The following SH3GL3 variants were observed in gnomAD, a reference collection of about 807,000 sequenced individuals.
SH3GL3 encodes SH3 domain containing GRB2 like 3, endophilin A3, also known as endophilin-A3.
Under a neutral mutation model 47.7 loss-of-function variants are expected in SH3GL3, and 33 were observed. The observed-to-expected ratio is 0.69, with a 90% CI of 0.52 to 0.92. SH3GL3 has a LOEUF of 0.92. SH3GL3 is among the 40% of genes least tolerant of loss of function. The pLI is 0.00. For synonymous variants in SH3GL3, 155 were observed against 148.8 expected (o/e 1.04, Z -0.30); for missense variants, 363 against 417.8 (o/e 0.87, Z 1.14).
the SH3GL3 span, among the ~76,000 whole-genome samples, chr15:83,630,334 G>A: frequency 0.011 from 1,735 of 152,050 alleles, 35 homozygotes; most frequent in African/African-American, 0.039. Context: ...TTGATCAATT[G>A]GACTTCATTA....
intron 8 of SH3GL3, among the ~76,000 whole-genome samples, chr15:83,592,886 A>G (rs2060144382): frequency 6.6e-6 from 1 of 152,196 alleles, no homozygotes; most frequent in South Asian, 2.1e-4. Flanking sequence ...GTTTGTTTCC[A>G]AATCCTGCAT....
intron 1 of SH3GL3, among the ~76,000 whole-genome samples, chr15:83,511,720 T>C (rs552074241): frequency 6.6e-6 from 1 of 152,294 alleles, no homozygotes; most frequent in East Asian, 1.9e-4. Context: ...ACATTTCCAA[T>C]TTTCTCTCTT....
intron 6 of SH3GL3, among the ~76,000 whole-genome samples, chr15:83,578,147 A>G (rs1358294452): frequency 6.6e-6 from 1 of 152,202 alleles, no homozygotes; most frequent in Non-Finnish European, 1.5e-5. Context: ...GTCAAATGAA[A>G]TGGAATTAAG....
intron 1 of SH3GL3, among the ~76,000 whole-genome samples, chr15:83,487,834 A>AT (rs917945993): frequency 3.4e-5 from 4 of 117,020 alleles, no homozygotes; most frequent in East Asian, 2.5e-4. Context: ...CTCACTATCC[A>AT]TTTTTTTTTC....
intron 1 of SH3GL3, among the ~76,000 whole-genome samples, chr15:83,529,534 C>T (rs1050605410): frequency 1.3e-5 from 2 of 152,008 alleles, no homozygotes; most frequent in Non-Finnish European, 2.9e-5. Context: ...TCCGCAGGCC[C>T]CTGGGTGATG....
chr15:83,475,891 TATAA>T (rs1444030653), intron 1 of SH3GL3, among the ~76,000 whole-genome samples: 1 of 152,252 alleles, frequency 6.6e-6, no homozygotes, highest in Non-Finnish European at 1.5e-5. Context: ...CTTTGTCTTT[TATAA>T]ATAAATAATT....
At chr15:83,487,168 G>T (rs1219403184) in intron 1 of SH3GL3, among the ~76,000 whole-genome samples, 2 of 147,912 alleles carry the variant, frequency 1.4e-5, no homozygotes, top group African/African-American at 2.5e-5. Context: ...ATTCTTAAAT[G>T]TTTTAATCTT....
chr15:83,531,567 A>G (rs1567308264), intron 1 of SH3GL3, among the ~76,000 whole-genome samples: 2 of 152,170 alleles, frequency 1.3e-5, no homozygotes, highest in African/African-American at 2.4e-5. Flanking sequence ...AGGATGGTAC[A>G]CTGTGTTGAG....
rs149148739 is a variant in SH3GL3 at position 83,568,466 on chromosome 15, A to G, written c.188-63A>G. The stretch of plus-strand genomic sequence containing the variant: ...CAGTTTTGGCAGCTGCGTTTATTAA[A>G]TTCTATGTACCTGTCACTCCACCTT... On this transcript the variant is annotated intron_variant, in intron 3 of 8. Coordinates refer to ENST00000427482, the MANE Select transcript of SH3GL3 (RefSeq NM_003027.5). 102 of 1,428,758 alleles carry G rather than the reference A, an allele frequency of 7.1e-5. No homozygotes were observed. The East Asian group carries it at 2.2e-3, about 30-fold the overall frequency. 88.5% of individuals were successfully genotyped at this position (1,428,758 alleles called of 1,614,324 possible).
intron 1 of SH3GL3, among the ~76,000 whole-genome samples, chr15:83,509,225 C>G (rs1567285391): frequency 6.6e-6 from 1 of 152,186 alleles, no homozygotes. Flanking sequence ...GCTGACCTGC[C>G]GTGGAGGGGA....
At chr15:83,548,374 ATATT>A (rs2044507112) in intron 1 of SH3GL3, among the ~76,000 whole-genome samples, 1 of 149,412 alleles carries the variant, frequency 6.7e-6, no homozygotes, top group South Asian at 2.1e-4. Context: ...CCATTTATAT[ATATT>A]TATATATATA....
At chr15:83,604,094 C>T (rs552654706) in intron 8 of SH3GL3, among the ~76,000 whole-genome samples, 4 of 151,850 alleles carry the variant, frequency 2.6e-5, no homozygotes, top group South Asian at 2.1e-4. Flanking sequence ...TGTGGTGAGC[C>T]GAGATCGCAC....
At position 83,542,019 on chromosome 15, in the gene SH3GL3, G is replaced by A. The variant is rs115362585; in HGVS notation, c.46-17234G>A. Among the ~76,000 whole-genome samples the A allele has an allele frequency of 5.8e-3, 876 of 152,192 alleles. 13 individuals carry two copies. The highest frequency in any genetic ancestry group is 0.02 in the African/African-American group (838 of 41,528). On this transcript the variant is annotated intron_variant, in intron 1 of 8. Coordinates refer to ENST00000427482, the MANE Select transcript of SH3GL3 (RefSeq NM_003027.5). ...TTGCTTTGGTTGCCTGTGCTTTTAG[G>A]GTATTACTCAAGAAATCTTTGCCAA...
chr15:83,531,272 A>C (rs1337946531), intron 1 of SH3GL3, among the ~76,000 whole-genome samples: 1 of 152,226 alleles, frequency 6.6e-6, no homozygotes, highest in Non-Finnish European at 1.5e-5. Flanking sequence ...CACATCAATA[A>C]ATTTCAGCGC....
At chr15:83,552,429 T>C (rs979237563) in intron 1 of SH3GL3, among the ~76,000 whole-genome samples, 2 of 152,246 alleles carry the variant, frequency 1.3e-5, no homozygotes, top group African/African-American at 4.8e-5. Flanking sequence ...TTTTAAAATT[T>C]TGTGCTGATA....
chr15:83,625,553 T>A, the SH3GL3 span, among the ~76,000 whole-genome samples: 2 of 152,186 alleles, frequency 1.3e-5, no homozygotes, highest in African/African-American at 4.8e-5. Flanking sequence ...TTCCTTTCGC[T>A]GTTGTGGTTA....
At chr15:83,468,744 G>A (rs1046236840) in intron 1 of SH3GL3, among the ~76,000 whole-genome samples, 1 of 148,356 alleles carries the variant, frequency 6.7e-6, no homozygotes, top group Non-Finnish European at 1.5e-5. Flanking sequence ...GTTTGCTAAC[G>A]TTTTATTGTA....
chr15:83,466,533 C>T lies in SH3GL3; in HGVS notation c.45+18955C>T, dbSNP rs990762672. On this transcript the variant is annotated intron_variant, in intron 1 of 8. Transcript: ENST00000427482. The stretch of plus-strand genomic sequence containing the variant: ...TGTATATAAAATCTAACATTGTACT[C>T]CTGGACATTTATCCCAGAGGAAAGG... Among the ~76,000 whole-genome samples, 16 of 152,170 alleles carry T rather than the reference C, an allele frequency of 1.1e-4. No homozygotes were observed. In the East Asian group the frequency reaches 1.5e-3, roughly 15 times the overall value.
chr15:83,523,144 G>C (rs573168641), intron 1 of SH3GL3, among the ~76,000 whole-genome samples: 171 of 152,268 alleles, frequency 1.1e-3, no homozygotes, highest in African/African-American at 3.8e-3. Flanking sequence ...TCACAAGAAG[G>C]AAAAGAATAA....
Sources: allele counts gnomAD v4.1 joint callset (sites outside exome capture counted in the v4.1 genomes callset), GRCh38; gene constraint gnomAD v4.1.1; transcripts MANE v1.5; gene names NCBI Gene and HGNC (gene_info 2026-07-23, HGNC 2026-07-21).